Variants in SCIN observed in about 807,000 individuals in gnomAD.
SCIN encodes the protein adseverin.
In SCIN, 91 loss-of-function variants were observed where a neutral mutation model predicts 91.8. That is an observed-to-expected ratio of 0.99 (90% CI 0.84 to 1.18). SCIN has a LOEUF of 1.18. SCIN is among the 50% of genes most tolerant of loss of function. The probability of loss-of-function intolerance (pLI) is 0.00; values close to 1 mark genes in which losing one functional copy is unlikely to be tolerated. For synonymous variants in SCIN, 367 were observed against 312.6 expected, an observed-to-expected ratio of 1.17 and a Z score of -1.84; for missense variants, 1,087 against 863.9, an observed-to-expected ratio of 1.26 and a Z score of -3.24.
In SCIN at chr7:12,604,640, A is replaced by G; in HGVS notation, c.643A>G (p.Ser215Gly). 1 of 1,552,204 alleles carries G rather than the reference A, an allele frequency of 6.4e-7. No individual in the cohort carries two copies. Among genetic ancestry groups the G allele is most frequent in the Non-Finnish European group, 8.7e-7 (1 of 1,147,114 alleles). The change falls in exon 4 of 16, where the codon AGT (serine) becomes GGT (glycine). Residue 215 changes from serine (S) to glycine (G), a missense_variant. By Grantham distance (56) the Ser-to-Gly change is moderately conservative. Coordinates refer to ENST00000297029, the MANE Select transcript of SCIN (RefSeq NM_001112706.3). ...RSELIVVEEG[S>G]EPSELIKVLG... ...TGAACTAATTGTCGTGGAAGAAGGAAGTGAACCCTCAGAACTTATAAAGGT... is the reference window on the plus strand; with the variant it reads ...TGAACTAATTGTCGTGGAAGAAGGAGGTGAACCCTCAGAACTTATAAAGGT...
In SCIN at chr7:12,625,231, AAAAG is replaced by A. The variant is rs914507413; in HGVS notation, c.892+90_892+93del. ...TAAAATATATTTTTTGATTTTAAAAAAAAGCCCACCTTTTAATTAAGACATGATC... is the reference window on the plus strand; with the variant it reads ...TAAAATATATTTTTTGATTTTAAAAACCCACCTTTTAATTAAGACATGATC... On this transcript the variant is annotated intron_variant, in intron 6 of 15. Coordinates refer to ENST00000297029, the MANE Select transcript of SCIN (RefSeq NM_001112706.3). 6 of 1,221,604 alleles carry A rather than the reference AAAAG, an allele frequency of 4.9e-6. No homozygotes were observed. In the African/African-American group the frequency reaches 9.3e-5, roughly 19 times the overall value. 75.7% of individuals were successfully genotyped at this position (1,221,604 alleles called of 1,614,324 possible).
intron 9 of SCIN, among the ~76,000 whole-genome samples, chr7:12,629,567 A>G (rs1562625239): frequency 6.6e-6 from 1 of 152,132 alleles, no homozygotes; most frequent in African/African-American, 2.4e-5. Flanking sequence ...CTTATGGTTA[A>G]AATTCACAGA....
At chr7:12,637,931 G>A (rs1783784821) in intron 10 of SCIN, among the ~76,000 whole-genome samples, 1 of 152,098 alleles carries the variant, frequency 6.6e-6, no homozygotes, top group South Asian at 2.1e-4. Flanking sequence ...AACTTTAAAT[G>A]TTATACAATA....
intron 3 of SCIN, among the ~76,000 whole-genome samples, chr7:12,595,326 C>T (rs1040203613): frequency 2.6e-5 from 4 of 152,136 alleles, no homozygotes; most frequent in South Asian, 2.1e-4. Flanking sequence ...TACAAGAGGG[C>T]GTAACTTAGG....
rs149948342 is a variant in SCIN at position 12,592,197 on chromosome 7, T to C, written c.516+10976T>C. ...GTAAAGAAGGCATCCTTCAGGTCAA[T>C]TGCAGTGTAGAGGGTGGTGTTGGTA... On this transcript the variant is annotated intron_variant, in intron 3 of 15. Coordinates refer to ENST00000297029, the MANE Select transcript of SCIN (RefSeq NM_001112706.3). Among the ~76,000 whole-genome samples, 442 of 152,104 alleles carry C rather than the reference T, an allele frequency of 2.9e-3. 2 individuals carry two copies. The highest frequency in any genetic ancestry group is 6.8e-3 in the Middle Eastern group (2 of 292).
At position 12,644,969 on chromosome 7, in the gene SCIN, C is replaced by T. The variant is rs764481203; in HGVS notation, c.1881+264C>T. ...GGCGGAGGTTGCAGTGAGCCAAGGT[C>T]GCGCCACTCCACTCCACTCCAGCCT... On this transcript the variant is annotated intron_variant, in intron 13 of 15. Transcript: ENST00000297029. Among the ~76,000 whole-genome samples, 28 of 142,318 alleles carry T rather than the reference C, an allele frequency of 2.0e-4. 1 individual carries two copies. The highest frequency in any genetic ancestry group is 8.4e-4 in the East Asian group (4 of 4,760). The allele number at this position is 142,318 out of a possible 152,430, so 93.4% of individuals were successfully genotyped here.
At chr7:12,571,589 C>G in intron 1 of SCIN, 1 of 468,652 alleles carries the variant, frequency 2.1e-6, no homozygotes, top group Non-Finnish European at 4.4e-6. Context: ...TAGACAAAAA[C>G]TCCGCTTCAT....
At chr7:12,633,444 G>A (rs555405853) in intron 9 of SCIN, among the ~76,000 whole-genome samples, 7 of 152,276 alleles carry the variant, frequency 4.6e-5, no homozygotes, top group South Asian at 4.1e-4. Context: ...GAGTGACTGC[G>A]TTATTTCTTG....
At position 12,619,409 on chromosome 7, in the gene SCIN, C is replaced by A. The variant is rs144690129; in HGVS notation, c.667-3392C>A. ...AAATAAATAAAAACAGAGGTACATG[C>A]TGTGAAAAACTAAGGATTAAGAGAG... On this transcript the variant is annotated intron_variant, in intron 4 of 15. Transcript: ENST00000297029. Among the ~76,000 whole-genome samples the A allele has an allele frequency of 2.3e-3, 346 of 152,184 alleles. 1 individual carries two copies. The highest frequency in any genetic ancestry group is 8.1e-3 in the African/African-American group (336 of 41,534).
intron 2 of SCIN, among the ~76,000 whole-genome samples, chr7:12,579,515 G>T (rs913462169): frequency 6.6e-6 from 1 of 152,154 alleles, no homozygotes; most frequent in Non-Finnish European, 1.5e-5. Context: ...CATATGACTT[G>T]TTTGCTTTAG....
At chr7:12,593,439 TTAAGAACAA>T in intron 3 of SCIN, among the ~76,000 whole-genome samples, 1 of 152,114 alleles carries the variant, frequency 6.6e-6, no homozygotes, top group East Asian at 1.9e-4. Flanking sequence ...AAAACGGGTA[TTAAGAACAA>T]TAGTTCCTAC....
At chr7:12,608,742 G>A (rs1467893378) in intron 4 of SCIN, among the ~76,000 whole-genome samples, 1 of 152,160 alleles carries the variant, frequency 6.6e-6, no homozygotes, top group Non-Finnish European at 1.5e-5. Context: ...CTTCCAAAGT[G>A]CTGAAATTAC....
In SCIN at chr7:12,591,979, G is replaced by A. The variant is rs377052900; in HGVS notation, c.516+10758G>A. On this transcript the variant is annotated intron_variant, in intron 3 of 15. Transcript: ENST00000297029. ...GAGAGGGGCTGCAAAGAAGAAGGTC[G>A]TCCACATATTGAAGATGACTGGGAG... 6.6e-5 allele frequency among the ~76,000 whole-genome samples: 10 copies of A among 152,120 alleles called. No homozygotes were observed. In the East Asian group the frequency reaches 1.2e-3, roughly 18 times the overall value.
chr7:12,629,864 G>T, intron 9 of SCIN, among the ~76,000 whole-genome samples: 1 of 151,844 alleles, frequency 6.6e-6, no homozygotes, highest in East Asian at 1.9e-4. Context: ...CAAGGGATAG[G>T]GATTCTGCAA....
In SCIN at chr7:12,615,037, C is replaced by A. The variant is rs1783270480; in HGVS notation, c.667-7764C>A. Among the ~76,000 whole-genome samples, 3 of 152,236 alleles carry A rather than the reference C, an allele frequency of 2.0e-5. 1 individual carries two copies. The South Asian group carries it at 6.2e-4, about 32-fold the overall frequency. The stretch of plus-strand genomic sequence containing the variant: ...TTAAGTAGAAATAAGAATAAGAAAT[C>A]TGTGGATCACACCCAAACTGTCTTT... On this transcript the variant is annotated intron_variant, in intron 4 of 15. Transcript: ENST00000297029.
At chr7:12,586,215 A>G (rs143032221) in intron 3 of SCIN, among the ~76,000 whole-genome samples, 1,988 of 152,302 alleles carry the variant, frequency 0.013, 104 homozygotes, top group Admixed American at 0.095. Context: ...GTGTTTTTTA[A>G]TTCATTTATA....
rs74691287 is a variant in SCIN at position 12,593,889 on chromosome 7, G to A, written c.517-10625G>A. 2.6e-3 allele frequency among the ~76,000 whole-genome samples: 399 copies of A among 152,344 alleles called. 12 individuals carry two copies. The East Asian group carries it at 0.059, about 22-fold the overall frequency. On this transcript the variant is annotated intron_variant, in intron 3 of 15. Coordinates refer to ENST00000297029, the MANE Select transcript of SCIN (RefSeq NM_001112706.3). ...CACACTCTTTCCTTCTCTTCTGGAA[G>A]GAGGGTAGAAGAGAGGATAAAGTAG...
At chr7:12,609,961 A>G (rs1783158008) in intron 4 of SCIN, among the ~76,000 whole-genome samples, 1 of 152,238 alleles carries the variant, frequency 6.6e-6, no homozygotes, top group African/African-American at 2.4e-5. Flanking sequence ...TGAAGTTTGA[A>G]GACTCTGCTT....
rs908540621 is a variant in SCIN, at chr7:12,625,616, A to C, written c.893-146A>C. 3 of 619,268 alleles carry C rather than the reference A, an allele frequency of 4.8e-6. No homozygotes were observed. The African/African-American group carries it at 5.7e-5, about 12-fold the overall frequency. The allele number at this position is 619,268 out of a possible 1,614,324, so 38.4% of individuals were successfully genotyped here. ...AGTGCTAGGATTACAGGCGTGAGCC[A>C]CCGCACCCGGCCAATTTTGCTATTC... On this transcript the variant is annotated intron_variant, in intron 6 of 15. Transcript: ENST00000297029.
Sources: gnomAD v4.1 joint callset for allele counts (sites outside exome capture counted in the v4.1 genomes callset) on GRCh38, gnomAD v4.1.1 for gene constraint, MANE v1.5 for transcripts, NCBI Gene and HGNC (gene_info 2026-07-23, HGNC 2026-07-21) for gene names.